The following DCC variants were observed in gnomAD, a reference collection of about 807,000 sequenced individuals.
DCC encodes the protein netrin receptor DCC.
Under a neutral mutation model 172.5 loss-of-function variants are expected in DCC, and 58 were observed. The ratio of observed to expected loss-of-function variants is 0.34; its 90% CI spans 0.27 to 0.42. The LOEUF is 0.42. Ranked by LOEUF, DCC falls within the 10% of genes least tolerant of loss-of-function variation. The pLI is 1.00. For synonymous variants in DCC, 709 were observed against 644.5 expected (o/e 1.10, Z -1.52); for missense variants, 1,740 against 1,791.0 (o/e 0.97, Z 0.51).
At chr18:52,341,028 TAGAAG>T in intron 1 of DCC, 150 bp downstream of exon 1, 1 of 602,568 alleles carries the variant, frequency 1.7e-6, no homozygotes, top group South Asian at 1.5e-5. Flanking sequence ...TGATAAAAGA[TAGAAG>T]AGTTTTTTTC....
chr18:52,970,628 AAATTT>A lies in DCC; in HGVS notation c.985+45266_985+45270del, dbSNP rs1341336507. Among the ~76,000 whole-genome samples the A allele has an allele frequency of 2.6e-5, 4 of 152,362 alleles. No individual in the cohort carries two copies. The South Asian group carries it at 8.3e-4, about 32-fold the overall frequency. ...TTGTTATCTACTAAATAAGTGTGGGAAATTTAATTTAACCTTCCAGATAATGTGTG... is the reference window on the plus strand; with the variant it reads ...TTGTTATCTACTAAATAAGTGTGGGAAATTTAACCTTCCAGATAATGTGTG... On this transcript the variant is annotated intron_variant, in intron 5 of 28. Coordinates refer to ENST00000442544, the MANE Select transcript of DCC (RefSeq NM_005215.4).
chr18:52,922,260 C>T (rs1307934490), intron 3 of DCC, among the ~76,000 whole-genome samples: 8 of 152,076 alleles, frequency 5.3e-5, no homozygotes, highest in Admixed American at 3.9e-4. Context: ...TATTTCTCCA[C>T]GCAAAGAATA....
chr18:53,198,186 C>A (rs899511143), intron 9 of DCC, among the ~76,000 whole-genome samples: 3 of 152,030 alleles, frequency 2.0e-5, no homozygotes, highest in Non-Finnish European at 4.4e-5. Context: ...CCAGAGATAG[C>A]TAATCCATTG....
chr18:52,797,943 C>T (rs1191630004), intron 2 of DCC, among the ~76,000 whole-genome samples: 4 of 150,154 alleles, frequency 2.7e-5, no homozygotes, highest in Non-Finnish European at 4.5e-5. Flanking sequence ...CAGGCCTGTT[C>T]TCAGGCACCA....
chr18:52,869,246 A>G (rs1019357375), intron 2 of DCC, among the ~76,000 whole-genome samples: 2 of 152,228 alleles, frequency 1.3e-5, no homozygotes, highest in African/African-American at 4.8e-5. Context: ...GATGAAAAGG[A>G]GTTTTATTGA....
chr18:52,800,970 G>A (rs1330775909), intron 2 of DCC, among the ~76,000 whole-genome samples: 3 of 152,174 alleles, frequency 2.0e-5, no homozygotes, highest in Non-Finnish European at 2.9e-5. Flanking sequence ...CCTTGTTAGA[G>A]AGATAGGAGC....
intron 11 of DCC, 127 bp downstream of exon 11, chr18:53,207,944 C>G (rs562323568): frequency 3.6e-6 from 3 of 836,474 alleles, no homozygotes; most frequent in African/African-American, 1.7e-5. Context: ...TGGACTATTA[C>G]AGTTAAATGT....
At chr18:52,668,049 A>AC (rs1040512426) in intron 1 of DCC, among the ~76,000 whole-genome samples, 1 of 139,982 alleles carries the variant, frequency 7.1e-6, no homozygotes, top group African/African-American at 2.5e-5. Context: ...AAGGAAAAAA[A>AC]AACAACAACA....
At chr18:53,425,115 T>C (rs1910834960) in intron 21 of DCC, among the ~76,000 whole-genome samples, 1 of 151,968 alleles carries the variant, frequency 6.6e-6, no homozygotes, top group Non-Finnish European at 1.5e-5. Flanking sequence ...CTTTTTTTTT[T>C]CTTTTTAACC....
chr18:53,486,612 G>A (rs1481033980), intron 25 of DCC, among the ~76,000 whole-genome samples, 185 bp from the exon 26 acceptor site: 1 of 152,170 alleles, frequency 6.6e-6, no homozygotes, highest in Non-Finnish European at 1.5e-5. Context: ...TATGATGCTT[G>A]AGGGATGAGC....
intron 12 of DCC, among the ~76,000 whole-genome samples, chr18:53,272,761 G>T (rs2144710462): frequency 6.6e-6 from 1 of 152,196 alleles, no homozygotes; most frequent in Non-Finnish European, 1.5e-5. Flanking sequence ...ACTGGATTGA[G>T]GTAGCAATGT....
intron 1 of DCC, among the ~76,000 whole-genome samples, chr18:52,344,955 G>A (rs1251639027): frequency 6.6e-6 from 1 of 152,140 alleles, no homozygotes; most frequent in African/African-American, 2.4e-5. Flanking sequence ...AATTATGATA[G>A]CTCTAATTAC....
intron 1 of DCC, among the ~76,000 whole-genome samples, chr18:52,725,718 C>T (rs967613078): frequency 3.3e-5 from 5 of 152,096 alleles, no homozygotes; most frequent in Admixed American, 3.3e-4. Flanking sequence ...ATGATTTTGA[C>T]TAAGATGGCA....
At chr18:52,407,000 T>G (rs990612025) in intron 1 of DCC, among the ~76,000 whole-genome samples, 7 of 142,996 alleles carry the variant, frequency 4.9e-5, no homozygotes, top group Non-Finnish European at 1.1e-4. Context: ...ATCACCATGT[T>G]GTTTTGTCTC....
chr18:53,095,464 A>C (rs2043072582), intron 7 of DCC, among the ~76,000 whole-genome samples: 1 of 152,236 alleles, frequency 6.6e-6, no homozygotes, highest in African/African-American at 2.4e-5. Context: ...ACATATTACC[A>C]ATAATTTAGT....
At chr18:53,183,848 T>G (rs1380457373) in intron 9 of DCC, among the ~76,000 whole-genome samples, 1 of 152,000 alleles carries the variant, frequency 6.6e-6, no homozygotes, top group Non-Finnish European at 1.5e-5. Flanking sequence ...CTCTGAACAT[T>G]ACTACCTGTA....
intron 2 of DCC, among the ~76,000 whole-genome samples, chr18:52,767,446 T>G (rs557634366): frequency 6.6e-6 from 1 of 152,268 alleles, no homozygotes; most frequent in Non-Finnish European, 1.5e-5. Flanking sequence ...ATCACAAAAG[T>G]AAATGGTCAT....
At chr18:53,365,735 T>C (rs1251017235) in intron 15 of DCC, among the ~76,000 whole-genome samples, 1 of 152,206 alleles carries the variant, frequency 6.6e-6, no homozygotes, top group Non-Finnish European at 1.5e-5. Flanking sequence ...GAATTATTAA[T>C]TTGAGAATCA....
At chr18:52,648,457 C>T (rs1311979379) in intron 1 of DCC, among the ~76,000 whole-genome samples, 8 of 152,150 alleles carry the variant, frequency 5.3e-5, no homozygotes. Context: ...CAAAGTATCG[C>T]GTAACTATGT....
Sources: allele counts gnomAD v4.1 joint callset (sites outside exome capture counted in the v4.1 genomes callset), GRCh38; gene constraint gnomAD v4.1.1; transcripts MANE v1.5; gene names NCBI Gene and HGNC (gene_info 2026-07-23, HGNC 2026-07-21).